NR3C1: variants seen among roughly 807,000 people sequenced by gnomAD.
NR3C1 encodes nuclear receptor subfamily 3 group C member 1.
In NR3C1, 14 loss-of-function variants were observed where a neutral mutation model predicts 74.0. The observed-to-expected ratio is 0.19, with a 90% CI of 0.12 to 0.30. The LOEUF is 0.30. Among genes scored for constraint, NR3C1 ranks in the 10% least tolerant of loss-of-function variants. The pLI is 1.00. For synonymous variants in NR3C1, 308 were observed against 332.5 expected (o/e 0.93, Z 0.80); for missense variants, 695 against 909.8 (o/e 0.76, Z 3.04).
upstream of NR3C1, chr5:143,403,814 C>A: frequency 2.1e-6 from 2 of 973,206 alleles, no homozygotes; most frequent in Non-Finnish European, 2.4e-6. Context: ...ACTGCAGGGG[C>A]GCCCGCGGTC....
Position 143,281,917 on chromosome 5 carries a change from A to G in NR3C1, c.2306T>C (p.Ile769Thr), listed in dbSNP as rs1412555345. 6.2e-7 allele frequency: 1 copy of G among 1,613,578 alleles called. No individual in the cohort carries two copies. Among genetic ancestry groups the G allele is most frequent in the Admixed American group, 1.7e-5 (1 of 59,970 alleles). The change falls in exon 9 of 9, where the codon ATC becomes ACC. Residue 769 changes from isoleucine to threonine, a missense_variant. By Grantham distance (89) the Ile-to-Thr change is moderately conservative (BLOSUM62 -1). This residue lies in a region of NR3C1 where 133 missense variants were observed against 287.9 expected (regional missense o/e 0.46). Transcript: ENST00000394464. ...CTTTTGATGAAACAGAAGTTTTTTG[A>G]TATTTCCATTTGAATATTTTGGTAT... is the stretch of plus-strand genomic sequence containing the variant. ...NQIPKYSNGN[I>T]KKLLFHQK
At position 143,401,123 on chromosome 5, in the gene NR3C1, C is replaced by T. The variant is rs542705117; in HGVS notation, c.-13-271G>A. 699 of 480,704 alleles carry T rather than the reference C, an allele frequency of 1.5e-3. 2 individuals carry two copies. The highest frequency in any genetic ancestry group is 5.8e-3 in the Middle Eastern group (10 of 1,736). The allele number at this position is 480,704 out of a possible 1,614,324, so 29.8% of individuals were successfully genotyped here. On this transcript the variant is annotated intron_variant, in intron 1 of 8. Coordinates refer to ENST00000394464, the MANE Select transcript of NR3C1 (RefSeq NM_000176.3). ...TATCGAACTAAGCTTGGCTATTCAT[C>T]CTGCCGCTCACTGAACGTGTAGCTT... is the stretch of plus-strand genomic sequence containing the variant.
intron 2 of NR3C1, among the ~76,000 whole-genome samples, chr5:143,398,047 T>C (rs1312412764): frequency 6.6e-6 from 1 of 151,988 alleles, no homozygotes; most frequent in Non-Finnish European, 1.5e-5. Flanking sequence ...TTACATGTTT[T>C]ATAAATCAAT....
chr5:143,396,993 TTTAC>T (rs1600574658), intron 2 of NR3C1, among the ~76,000 whole-genome samples: 1 of 151,900 alleles, frequency 6.6e-6, no homozygotes, highest in African/African-American at 2.4e-5. Context: ...ACTAGTTTGT[TTTAC>T]TTAAAGAATA....
chr5:143,301,733 T>G (rs1200653990), intron 4 of NR3C1, among the ~76,000 whole-genome samples: 2 of 152,130 alleles, frequency 1.3e-5, no homozygotes, highest in Admixed American at 1.3e-4. Context: ...TGTACTTGTC[T>G]AAATTATTAG....
At chr5:143,358,837 T>G (rs796220202) in intron 2 of NR3C1, among the ~76,000 whole-genome samples, 1 of 150,306 alleles carries the variant, frequency 6.7e-6, no homozygotes, top group Non-Finnish European at 1.5e-5. Context: ...GAGGCAGAGG[T>G]TGTGGTGAGC....
At chr5:143,324,912 C>A (rs1226023829) in intron 2 of NR3C1, among the ~76,000 whole-genome samples, 2 of 152,182 alleles carry the variant, frequency 1.3e-5, no homozygotes, top group Non-Finnish European at 2.9e-5. Flanking sequence ...ACCTTTGCTC[C>A]AGTTCCCAAA....
At chr5:143,324,062 C>G (rs1824009075) in intron 2 of NR3C1, among the ~76,000 whole-genome samples, 4 of 152,124 alleles carry the variant, frequency 2.6e-5, no homozygotes, top group Admixed American at 2.6e-4. Flanking sequence ...TGTGGCTTTT[C>G]CAGGTACATG....
At chr5:143,328,993 C>T (rs1262816731) in intron 2 of NR3C1, among the ~76,000 whole-genome samples, 3 of 152,214 alleles carry the variant, frequency 2.0e-5, no homozygotes, top group Non-Finnish European at 4.4e-5. Flanking sequence ...TCCAAAGTCA[C>T]TTCCGCATTT....
intron 1 of NR3C1, 54 bp from the exon 2 acceptor site, chr5:143,400,906 A>G: frequency 7.4e-7 from 1 of 1,342,498 alleles, no homozygotes. Context: ...CTAAAGTCAC[A>G]TTATCTTCCT....
chr5:143,286,302 C>G (rs1377943257), intron 7 of NR3C1, among the ~76,000 whole-genome samples: 2 of 152,080 alleles, frequency 1.3e-5, no homozygotes, highest in Non-Finnish European at 2.9e-5. Context: ...ACCATATTAT[C>G]ATAACACCAA....
At chr5:143,399,513 C>T in intron 2 of NR3C1, 143 bp downstream of exon 2, 1 of 704,666 alleles carries the variant, frequency 1.4e-6, no homozygotes, top group South Asian at 1.8e-5. Context: ...TCTACCTTTC[C>T]TACTTTCAAA....
rs1453096100 is a variant in NR3C1 at position 143,279,616 on chromosome 5, A to G, written c.*2273T>C. 3 of 469,124 alleles carry G rather than the reference A, an allele frequency of 6.4e-6. No individual in the cohort carries two copies. Among genetic ancestry groups the G allele is most frequent in the Admixed American group, 4.4e-5 (1 of 22,768 alleles). 29.1% of individuals were successfully genotyped at this position (469,124 alleles called of 1,614,324 possible). The stretch of plus-strand genomic sequence containing the variant: ...ATTAAATAATTTCTCCAAAATACTG[A>G]AAATAACAAATAACATTCAAAAAGC... On this transcript the variant is annotated 3_prime_UTR_variant, in exon 9 of 9. Coordinates refer to ENST00000394464, the MANE Select transcript of NR3C1 (RefSeq NM_000176.3).
intron 1 of NR3C1, among the ~76,000 whole-genome samples, chr5:143,429,517 C>T (rs1280176780): frequency 6.6e-6 from 1 of 152,182 alleles, no homozygotes; most frequent in Admixed American, 6.5e-5. Flanking sequence ...TTTGGATTCT[C>T]CCGCTCACAA....
chr5:143,346,121 C>T (rs1031027938), intron 2 of NR3C1, among the ~76,000 whole-genome samples: 1 of 152,202 alleles, frequency 6.6e-6, no homozygotes, highest in Non-Finnish European at 1.5e-5. Flanking sequence ...CTGTCAGACT[C>T]CTAAATCTAG....
intron 7 of NR3C1, 151 bp from the exon 8 acceptor site, chr5:143,282,876 C>T (rs931586419): frequency 9.5e-6 from 7 of 739,282 alleles, no homozygotes; most frequent in Non-Finnish European, 1.5e-5. Flanking sequence ...ACCTCCTTGG[C>T]TCAAGTGATC....
At position 143,279,506 on chromosome 5, in the gene NR3C1, A is replaced by C. The variant is rs1029248922; in HGVS notation, c.*2383T>G. On this transcript the variant is annotated 3_prime_UTR_variant, in exon 9 of 9. Transcript: ENST00000394464. ...TTCAAGCAGTTTTCTTAGGCACCAA[A>C]AATTTATCCAGCCGGGTTACACACC... The C allele has an allele frequency of 1.6e-6, 2 of 1,279,038 alleles. No homozygotes were observed. The highest frequency in any genetic ancestry group is 1.0e-6 in the Non-Finnish European group (1 of 971,618). The allele number at this position is 1,279,038 out of a possible 1,614,324, so 79.2% of individuals were successfully genotyped here. A position where few individuals can be genotyped will look rare whatever the true frequency, so the allele number is the denominator to read the frequency against.
intron 6 of NR3C1, among the ~76,000 whole-genome samples, chr5:143,296,996 G>C (rs1599745745): frequency 6.9e-6 from 1 of 145,346 alleles, no homozygotes; most frequent in South Asian, 2.1e-4. Context: ...AGAATCACTT[G>C]AACCCTGGAG....
intron 1 of NR3C1, among the ~76,000 whole-genome samples, chr5:143,414,018 A>T (rs1011715436): frequency 1.2e-4 from 18 of 152,204 alleles, no homozygotes; most frequent in African/African-American, 4.1e-4. Context: ...ATGACTTAAA[A>T]TGTTTGTCAG....
Sources: allele counts gnomAD v4.1 joint callset (sites outside exome capture counted in the v4.1 genomes callset), GRCh38; gene constraint gnomAD v4.1.1; regional missense constraint gnomAD v4.1.1; transcripts MANE v1.5; gene names NCBI Gene and HGNC (gene_info 2026-07-23, HGNC 2026-07-21).